Variants in PCSK1 observed in about 807,000 individuals in gnomAD.
PCSK1 encodes proprotein convertase subtilisin/kexin type 1.
Under a neutral mutation model 90.6 loss-of-function variants are expected in PCSK1, and 56 were observed. The ratio of observed to expected loss-of-function variants is 0.62; its 90% CI spans 0.50 to 0.77. The LOEUF is 0.77. Among genes scored for constraint, PCSK1 ranks in the 30% least tolerant of loss-of-function variants. PCSK1 has a pLI of 0.00. For synonymous variants in PCSK1, 348 were observed against 342.4 expected (o/e 1.02, Z -0.18); for missense variants, 801 against 932.6 (o/e 0.86, Z 1.84).
In PCSK1 at chr5:96,410,884, T is replaced by C. The variant is rs762417069; in HGVS notation, c.985A>G (p.Ile329Val). ...TGCTGGGAGGCACTGCTGATGGAGATGGTGTAGATGCTGTCTGTGTAGCCA... is the reference window on the plus strand; with the variant it reads ...TGCTGGGAGGCACTGCTGATGGAGACGGTGTAGATGCTGTCTGTGTAGCCA... Reference protein sequence around the residue: ...CDGYTDSIYTISISSASQQGL... With the variant: ...CDGYTDSIYTVSISSASQQGL... Residue 329 changes from isoleucine (I) to valine (V), a missense_variant, in exon 8 of 14, where the codon ATC (isoleucine) becomes GTC (valine). By Grantham distance (29) the Ile-to-Val change is conservative. Coordinates refer to ENST00000311106, the MANE Select transcript of PCSK1 (RefSeq NM_000439.5). 1 of 1,614,000 alleles carries C rather than the reference T, an allele frequency of 6.2e-7. No homozygotes were observed. Among genetic ancestry groups the C allele is most frequent in the Non-Finnish European group, 8.5e-7 (1 of 1,179,874 alleles).
At chr5:96,399,668 T>G (rs764310541) in intron 10 of PCSK1, among the ~76,000 whole-genome samples, 2 of 152,138 alleles carry the variant, frequency 1.3e-5, no homozygotes, top group Non-Finnish European at 2.9e-5. Context: ...ATCTTAAAAC[T>G]GATGGGTGGT....
At chr5:96,408,617 A>G (rs1439679624) in intron 8 of PCSK1, among the ~76,000 whole-genome samples, 2 of 152,234 alleles carry the variant, frequency 1.3e-5, no homozygotes, top group African/African-American at 2.4e-5. Context: ...AATGCTGTCT[A>G]TAAAAAACAA....
rs765019354 is a variant in PCSK1 at position 96,429,260 on chromosome 5, G to A, written c.238C>T (p.Arg80Ter). ...FKHKNHPRRS[R>*]RSAFHITKRL... is the part of the protein sequence containing the mutation. The stretch of plus-strand genomic sequence containing the variant: ...TTAGTGATATGAAAGGCACTCCTTC[G>A]AGACCTTCTGGGGTGGTTTTTATGT... The change falls in exon 2 of 14, where the codon CGA becomes TGA. Residue 80 changes from arginine (R) to a stop codon, truncating the protein, a stop_gained. Transcript: ENST00000311106. LOFTEE classifies it high-confidence loss of function. 2.5e-6 allele frequency: 4 copies of A among 1,604,254 alleles called. No individual in the cohort carries two copies. Among genetic ancestry groups the A allele is most frequent in the African/African-American group, 1.3e-5 (1 of 74,818 alleles).
chr5:96,398,547 C>T (rs1760244567), intron 11 of PCSK1, among the ~76,000 whole-genome samples: 1 of 152,122 alleles, frequency 6.6e-6, no homozygotes, highest in Non-Finnish European at 1.5e-5. Context: ...GGTTAATTAT[C>T]AGAGTAACTT....
intron 3 of PCSK1, among the ~76,000 whole-genome samples, chr5:96,425,018 A>T (rs554175793): frequency 0.037 from 2,403 of 64,854 alleles, 111 homozygotes; most frequent in African/African-American, 0.13. Context: ...AAAAGAAAGA[A>T]AGAAAGAAAG....
intron 1 of PCSK1, among the ~76,000 whole-genome samples, chr5:96,429,803 G>A (rs1761434834): frequency 6.6e-6 from 1 of 152,140 alleles, no homozygotes; most frequent in South Asian, 2.1e-4. Flanking sequence ...GTCTTAAGAT[G>A]ACCCTCAGAA....
chr5:96,433,214 G>GC lies in PCSK1; in HGVS notation c.-173dup, dbSNP rs1761564710. ...GAGAGGAGAGGCTGGGCGGCGGCGA[G>GC]CGCTCAGTGAAGCGCTTCGGTCTCC... On this transcript the variant is annotated 5_prime_UTR_variant, in exon 1 of 14. Coordinates refer to ENST00000311106, the MANE Select transcript of PCSK1 (RefSeq NM_000439.5). The GC allele has an allele frequency of 3.0e-6, 2 of 672,698 alleles. No individual in the cohort carries two copies. Among genetic ancestry groups the GC allele is most frequent in the Non-Finnish European group, 5.3e-6 (2 of 376,048 alleles). 41.7% of individuals were successfully genotyped at this position (672,698 alleles called of 1,614,324 possible).
intron 13 of PCSK1, 82 bp downstream of exon 13, chr5:96,394,782 T>C (rs1046492144): frequency 1.2e-5 from 16 of 1,293,856 alleles, no homozygotes; most frequent in Non-Finnish European, 1.7e-5. Flanking sequence ...TATTTCCTGC[T>C]TGGAAGTTGG....
rs35928091 is a variant in PCSK1 at position 96,401,086 on chromosome 5, C to CAAAAA, written c.1197-905_1197-901dup. 1.8e-4 allele frequency among the ~76,000 whole-genome samples: 13 copies of CAAAAA among 70,572 alleles called. 1 individual carries two copies. In the East Asian group the frequency reaches 3.7e-3, roughly 20 times the overall value. 46.3% of individuals were successfully genotyped at this position (70,572 alleles called of 152,430 possible). ...TGGGCTAAAGAGCGGGACTCCGTCT[C>CAAAAA]AAAAAAAAAAAAAAAAAAAAAAAAA... On this transcript the variant is annotated intron_variant, in intron 9 of 13. Coordinates refer to ENST00000311106, the MANE Select transcript of PCSK1 (RefSeq NM_000439.5).
rs1760080260 is a variant in PCSK1 at position 96,394,949 on chromosome 5, T to G, written c.1799A>C (p.His600Pro). Residue 600 changes from histidine (H) to proline (P), a missense_variant, in exon 13 of 14, where the codon CAT becomes CCT. By Grantham distance (77) the His-to-Pro change is moderately conservative. Coordinates refer to ENST00000311106, the MANE Select transcript of PCSK1 (RefSeq NM_000439.5). ...ILHGTSSQPEHMKQPRVYTSY... is the reference protein window; with the variant it reads ...ILHGTSSQPEPMKQPRVYTSY... ...CGTGTACACACGAGGCTGCTTCATATGCTCTGGCTGAGAAGAGGTCCCGTG... is the reference window on the plus strand; with the variant it reads ...CGTGTACACACGAGGCTGCTTCATAGGCTCTGGCTGAGAAGAGGTCCCGTG... The G allele has an allele frequency of 6.2e-7, 1 of 1,614,118 alleles. No homozygotes were observed. Among genetic ancestry groups the G allele is most frequent in the Admixed American group, 1.7e-5 (1 of 60,026 alleles).
In PCSK1 at chr5:96,425,804, T is replaced by A. The variant is rs1426480813; in HGVS notation, c.396+16A>T. 7.3e-6 allele frequency: 10 copies of A among 1,361,504 alleles called. No homozygotes were observed. Among genetic ancestry groups the A allele is most frequent in the Non-Finnish European group, 1.1e-5 (10 of 949,308 alleles). 84.3% of individuals were successfully genotyped at this position (1,361,504 alleles called of 1,614,324 possible). A position where few individuals can be genotyped will look rare whatever the true frequency, so the allele number is the denominator to read the frequency against. On this transcript the variant is annotated intron_variant, in intron 3 of 13. Coordinates refer to ENST00000311106, the MANE Select transcript of PCSK1 (RefSeq NM_000439.5). Reference sequence around the variant, plus strand: ...GTCCCAGGTCCCACCCACATAGTCCTTCTGTAGGTACTTACCAAGTACCAT... The same window carrying A: ...GTCCCAGGTCCCACCCACATAGTCCATCTGTAGGTACTTACCAAGTACCAT...
intron 4 of PCSK1, among the ~76,000 whole-genome samples, chr5:96,422,948 GGTGAGGAGGGAAACT>G (rs1385204025): frequency 6.9e-6 from 1 of 145,066 alleles, no homozygotes; most frequent in African/African-American, 2.9e-5. Context: ...TCATAAAAGA[GGTGAGGAGGGAAACT>G]GTGACAATGA....
chr5:96,392,969 G>T lies in PCSK1; in HGVS notation c.*32C>A. On this transcript the variant is annotated 3_prime_UTR_variant, in exon 14 of 14. Transcript: ENST00000311106. ...AAATCGCAGGGTAAGGAAGAAGCAT[G>T]AATATTTCCAACTTGGGACCACACA... The T allele has an allele frequency of 6.2e-7, 1 of 1,611,302 alleles. No individual in the cohort carries two copies.
chr5:96,412,536 T>C (rs1561370050), intron 6 of PCSK1, 46 bp from the exon 7 acceptor site: 8 of 1,540,168 alleles, frequency 5.2e-6, no homozygotes, highest in Non-Finnish European at 6.3e-6. Context: ...GATGTCAGTA[T>C]GTACATGGAC....
At chr5:96,427,665 C>A (rs1485833146) in intron 2 of PCSK1, among the ~76,000 whole-genome samples, 1 of 152,064 alleles carries the variant, frequency 6.6e-6, no homozygotes, top group Admixed American at 6.5e-5. Flanking sequence ...TCATGAGATA[C>A]TTTGAGTAAG....
At chr5:96,403,131 G>C (rs1255537893) in intron 9 of PCSK1, among the ~76,000 whole-genome samples, 1 of 152,094 alleles carries the variant, frequency 6.6e-6, no homozygotes, top group Non-Finnish European at 1.5e-5. Context: ...TAGCATGTGT[G>C]TCCTATGTTT....
At chr5:96,394,311 C>T (rs577955042) in intron 13 of PCSK1, among the ~76,000 whole-genome samples, 7 of 152,292 alleles carry the variant, frequency 4.6e-5, no homozygotes, top group South Asian at 4.1e-4. Context: ...GGAATGTGAA[C>T]GACTTATTTT....
At position 96,393,105 on chromosome 5, in the gene PCSK1, G is replaced by T; in HGVS notation, c.2158C>A (p.Leu720Met). ...AAAACATCAACATAGTCATTATACA[G>T]ACTGTCTTCAGAGTCTTTAAGCTGG... The part of the protein sequence containing the change: ...PSQLKDSEDS[L>M]YNDYVDVFYN... Residue 720 changes from leucine to methionine, a missense_variant, in exon 14 of 14, where the codon CTG (leucine) becomes ATG (methionine). Coordinates refer to ENST00000311106, the MANE Select transcript of PCSK1 (RefSeq NM_000439.5). 3 of 1,614,148 alleles carry T rather than the reference G, an allele frequency of 1.9e-6. No homozygotes were observed. The highest frequency in any genetic ancestry group is 2.5e-6 in the Non-Finnish European group (3 of 1,179,988).
At chr5:96,423,515 TG>T in intron 3 of PCSK1, 56 bp from the exon 4 acceptor site, 1 of 1,550,154 alleles carries the variant, frequency 6.5e-7, no homozygotes, top group Non-Finnish European at 8.9e-7. Flanking sequence ...TGCTACAAAA[TG>T]GGCACTTCAG....
Sources: allele counts gnomAD v4.1 joint callset (sites outside exome capture counted in the v4.1 genomes callset), GRCh38; gene constraint gnomAD v4.1.1; transcripts MANE v1.5; gene names NCBI Gene and HGNC (gene_info 2026-07-23, HGNC 2026-07-21).